PREX2: variants seen among roughly 807,000 people sequenced by gnomAD.
PREX2 encodes the protein phosphatidylinositol-3,4,5-trisphosphate dependent Rac exchange factor 2.
Under a neutral mutation model 203.2 loss-of-function variants are expected in PREX2, and 107 were observed. The ratio of observed to expected loss-of-function variants is 0.53; its 90% CI spans 0.45 to 0.62. PREX2 has a LOEUF of 0.62. Among genes scored for constraint, PREX2 ranks in the 20% least tolerant of loss-of-function variants. The pLI, the probability that PREX2 is intolerant of heterozygous loss-of-function variation, is 0.00. For synonymous variants in PREX2, 672 were observed against 663.6 expected, an observed-to-expected ratio of 1.01 and a Z score of -0.19; for missense variants, 1,777 against 1,955.9, an observed-to-expected ratio of 0.91 and a Z score of 1.72.
Position 68,120,911 on chromosome 8 carries a change from GT to G in PREX2, c.3596-7del, listed in dbSNP as rs1183905121. The G allele has an allele frequency of 6.2e-7, 1 of 1,610,052 alleles. No individual in the cohort carries two copies. The highest frequency in any genetic ancestry group is 2.2e-5 in the East Asian group (1 of 44,824). On this transcript the variant is annotated splice_polypyrimidine_tract_variant and intron_variant, in intron 29 of 39. Transcript: ENST00000288368. ...TTGAGACTTAAGAGAGATTTTCTGT[GT>G]TTATTTAGAATTTCAACAGGAAATG...
intron 23 of PREX2, chr8:68,106,233 C>T (rs1012194023): frequency 2.1e-6 from 1 of 468,720 alleles, no homozygotes; most frequent in Non-Finnish European, 4.1e-6. Flanking sequence ...TTTATTTGTG[C>T]CATGGGTGCC....
At chr8:68,086,635 A>G (rs1014594430) in intron 18 of PREX2, among the ~76,000 whole-genome samples, 2 of 152,080 alleles carry the variant, frequency 1.3e-5, no homozygotes, top group Admixed American at 6.6e-5. Context: ...CATTGTTGCT[A>G]TCTGATTTCT....
intron 1 of PREX2, among the ~76,000 whole-genome samples, chr8:67,967,459 T>C (rs1325082821): frequency 2.0e-5 from 3 of 152,210 alleles, no homozygotes; most frequent in African/African-American, 7.2e-5. Flanking sequence ...GTTTTGTCAA[T>C]AAGGTTTCAT....
chr8:68,131,685 A>G (rs1380192681), intron 31 of PREX2, among the ~76,000 whole-genome samples: 4 of 152,248 alleles, frequency 2.6e-5, no homozygotes, highest in Non-Finnish European at 2.9e-5. Context: ...ACATCTAAGT[A>G]TTCTTTTTAG....
intron 34 of PREX2, among the ~76,000 whole-genome samples, chr8:68,155,619 TG>T (rs1811529078): frequency 6.6e-6 from 1 of 152,176 alleles, no homozygotes; most frequent in Non-Finnish European, 1.5e-5. Context: ...GAAAGAAGAT[TG>T]TTTTGAATTT....
intron 1 of PREX2, among the ~76,000 whole-genome samples, chr8:67,989,428 A>C (rs2129609431): frequency 6.6e-6 from 1 of 152,334 alleles, no homozygotes; most frequent in South Asian, 2.1e-4. Context: ...GTTACTAAAT[A>C]ATAATACCAT....
At chr8:68,085,609 T>C (rs1809657835) in intron 18 of PREX2, among the ~76,000 whole-genome samples, 1 of 152,186 alleles carries the variant, frequency 6.6e-6, no homozygotes, top group South Asian at 2.1e-4. Flanking sequence ...ACTTATTTTC[T>C]GTAGGAAATA....
chr8:68,101,067 A>G (rs951603918), intron 23 of PREX2, among the ~76,000 whole-genome samples: 2 of 152,216 alleles, frequency 1.3e-5, no homozygotes, highest in East Asian at 3.8e-4. Context: ...AGACTAATTG[A>G]TTAAATTATT....
intron 1 of PREX2, among the ~76,000 whole-genome samples, chr8:68,004,507 T>G (rs1259448307): frequency 6.6e-6 from 1 of 152,254 alleles, no homozygotes; most frequent in Non-Finnish European, 1.5e-5. Context: ...GTGTGCATCC[T>G]TATTGAATTA....
In PREX2 at chr8:67,983,206, C is replaced by CAAA. The variant is rs1806321631; in HGVS notation, c.141+30671_141+30672insAAA. Among the ~76,000 whole-genome samples the CAAA allele has an allele frequency of 2.7e-5, 4 of 147,448 alleles. No individual in the cohort carries two copies. In the South Asian group the frequency reaches 8.9e-4, roughly 33 times the overall value. Reference sequence around the variant, plus strand: ...TACTGTGATGAAAACAGATTTTGAACCTTTGTTTGGTATCTGCATACTGAT... The same window carrying CAAA: ...TACTGTGATGAAAACAGATTTTGAACAAACTTTGTTTGGTATCTGCATACTGAT... On this transcript the variant is annotated intron_variant, in intron 1 of 39. Coordinates refer to ENST00000288368, the MANE Select transcript of PREX2 (RefSeq NM_024870.4).
intron 4 of PREX2, among the ~76,000 whole-genome samples, chr8:68,024,450 G>A (rs1807656947): frequency 1.3e-5 from 2 of 151,874 alleles, no homozygotes; most frequent in South Asian, 4.2e-4. Flanking sequence ...CATTTCTTTT[G>A]TTAAAGTCTA....
intron 35 of PREX2, among the ~76,000 whole-genome samples, chr8:68,176,352 A>G (rs1811980009): frequency 6.6e-6 from 1 of 152,192 alleles, no homozygotes; most frequent in African/African-American, 2.4e-5. Context: ...TATGGGGAGA[A>G]AGTTTTCAGT....
chr8:68,197,248 A>G (rs560943004), intron 37 of PREX2, among the ~76,000 whole-genome samples: 1 of 151,934 alleles, frequency 6.6e-6, no homozygotes, highest in South Asian at 2.1e-4. Flanking sequence ...ATCCCCATAA[A>G]CCCCACATGT....
Position 67,976,633 on chromosome 8 carries a change from C to T in PREX2, c.141+24098C>T, listed in dbSNP as rs202089964. ...AGAGACAGAGACAGAGAGAGAGAGA[C>T]GGGAGAGAGACAGAGAGAGAGAGAC... On this transcript the variant is annotated intron_variant, in intron 1 of 39. Transcript: ENST00000288368. Among the ~76,000 whole-genome samples, 305 of 42,290 alleles carry T rather than the reference C, an allele frequency of 7.2e-3. 14 individuals carry two copies. The highest frequency in any genetic ancestry group is 0.028 in the African/African-American group (291 of 10,402). 27.7% of individuals were successfully genotyped at this position (42,290 alleles called of 152,430 possible). A position where few individuals can be genotyped will look rare whatever the true frequency, so the allele number is the denominator to read the frequency against.
At chr8:68,081,407 C>G (rs1809519206) in intron 17 of PREX2, among the ~76,000 whole-genome samples, 1 of 152,006 alleles carries the variant, frequency 6.6e-6, no homozygotes, top group African/African-American at 2.4e-5. Context: ...GATTGGGGAC[C>G]CCTGTCCTAG....
rs372243032 is a variant in PREX2, at chr8:68,217,667, C to T, written c.4656C>T (p.His1552=). ...LEQAIILARS[H]GLPPRYIMQA... ...AAGCCATCATTCTGGCCAGAAGCCA[C>T]GGACTGCCACCTCGTTACATCATGC... Residue 1552 remains histidine (H), a synonymous_variant, in exon 38 of 40, where the codon CAC becomes CAT. Coordinates refer to ENST00000288368, the MANE Select transcript of PREX2 (RefSeq NM_024870.4). 57 of 1,614,136 alleles carry T rather than the reference C, an allele frequency of 3.5e-5. No individual in the cohort carries two copies. The East Asian group carries it at 4.7e-4, about 13-fold the overall frequency.
intron 1 of PREX2, among the ~76,000 whole-genome samples, chr8:68,011,258 A>G (rs1173262377): frequency 6.6e-6 from 1 of 152,028 alleles, no homozygotes; most frequent in East Asian, 1.9e-4. Context: ...TTTTCGCTCA[A>G]ACACTTCAAG....
chr8:68,069,781 GA>G, intron 12 of PREX2, 53 bp from the exon 13 acceptor site: 1 of 815,914 alleles, frequency 1.2e-6, no homozygotes, highest in South Asian at 2.2e-5. Flanking sequence ...AAATTTCATT[GA>G]AATGTCCCTT....
rs568522205 is a variant in PREX2, at chr8:68,087,537, A to C, written c.2028-187A>C. Reference sequence around the variant, plus strand: ...GCTTTACTGTGTAACGACTGTGTTCAGTTTAGAAACACTGTATTGCATGAG... The same window carrying C: ...GCTTTACTGTGTAACGACTGTGTTCCGTTTAGAAACACTGTATTGCATGAG... On this transcript the variant is annotated intron_variant, in intron 18 of 39. Transcript: ENST00000288368. Among the ~76,000 whole-genome samples the C allele has an allele frequency of 3.3e-5, 5 of 152,294 alleles. No homozygotes were observed. In the East Asian group the frequency reaches 9.6e-4, roughly 29 times the overall value.
Sources: allele counts gnomAD v4.1 joint callset (sites outside exome capture counted in the v4.1 genomes callset), GRCh38; gene constraint gnomAD v4.1.1; transcripts MANE v1.5; gene names NCBI Gene and HGNC (gene_info 2026-07-23, HGNC 2026-07-21).